SLC16A6: variants seen among roughly 807,000 people sequenced by gnomAD.
The protein encoded by SLC16A6 is monocarboxylate transporter 7.
Under a neutral mutation model 33.8 loss-of-function variants are expected in SLC16A6, and 15 were observed. That is an observed-to-expected ratio of 0.44 (90% confidence interval 0.30 to 0.68). SLC16A6 has a LOEUF of 0.68. Among genes scored for constraint, SLC16A6 ranks in the 30% least tolerant of loss-of-function variants. The pLI, the probability that SLC16A6 is intolerant of heterozygous loss-of-function variation, is 0.10. For missense variants in SLC16A6, 451 were observed against 661.5 expected, an observed-to-expected ratio of 0.68 and a Z score of 3.49; for synonymous variants, 219 against 248.4, an observed-to-expected ratio of 0.88 and a Z score of 1.11.
chr17:68,277,129 AATT>A lies in SLC16A6; in HGVS notation c.232+957_232+959del, dbSNP rs1295619601. Among the ~76,000 whole-genome samples, 3 of 151,672 alleles carry A rather than the reference AATT, an allele frequency of 2.0e-5. No homozygotes were observed. The South Asian group carries it at 6.2e-4, about 32-fold the overall frequency. ...TGAGATTGGGGCCTGGTATGTCAGCAATTATTATTATTATTATTTTGAGATGGA... is the reference window on the plus strand; with the variant it reads ...TGAGATTGGGGCCTGGTATGTCAGCAATTATTATTATTATTTTGAGATGGA... On this transcript the variant is annotated intron_variant, in intron 2 of 5. Coordinates refer to ENST00000580666, the MANE Select transcript of SLC16A6 (RefSeq NM_004694.5).
chr17:68,276,536 C>T (rs2075527339), intron 2 of SLC16A6, among the ~76,000 whole-genome samples: 1 of 152,046 alleles, frequency 6.6e-6, no homozygotes, highest in African/African-American at 2.4e-5. Flanking sequence ...GCAGCCTTGA[C>T]CTCCCAGGCT....
intron 1 of SLC16A6, among the ~76,000 whole-genome samples, chr17:68,286,733 G>A (rs782336814): frequency 6.6e-6 from 1 of 152,148 alleles, no homozygotes; most frequent in Non-Finnish European, 1.5e-5. Flanking sequence ...TCGAACTCCT[G>A]ACCTCAAGTG....
At chr17:68,272,359 C>T (rs2075370497) in intron 4 of SLC16A6, among the ~76,000 whole-genome samples, 1 of 152,122 alleles carries the variant, frequency 6.6e-6, no homozygotes, top group Admixed American at 6.5e-5. Flanking sequence ...TGAATAATTG[C>T]AAATTACTAG....
At chr17:68,272,348 G>A (rs1352311509) in intron 4 of SLC16A6, among the ~76,000 whole-genome samples, 1 of 152,180 alleles carries the variant, frequency 6.6e-6, no homozygotes, top group Non-Finnish European at 1.5e-5. Flanking sequence ...GACATAACAG[G>A]TGAATAATTG....
chr17:68,285,588 T>C (rs2075822968), intron 1 of SLC16A6: 1 of 152,252 alleles, frequency 6.6e-6, no homozygotes, highest in South Asian at 2.1e-4. Context: ...GAGAACTGCT[T>C]GAACCCAGGA....
intron 5 of SLC16A6, 61 bp from the exon 6 acceptor site, chr17:68,269,407 G>GC: frequency 1.7e-6 from 2 of 1,211,120 alleles, no homozygotes; most frequent in Non-Finnish European, 2.3e-6. Flanking sequence ...CCTCACCCAG[G>GC]CGACCATCCC....
intron 5 of SLC16A6, among the ~76,000 whole-genome samples, chr17:68,269,675 T>TTTTTTTTTTC (rs2075270318): frequency 7.1e-6 from 1 of 140,732 alleles, no homozygotes. Context: ...CACTTTAGGT[T>TTTTTTTTTTC]TTTTTTTTTT....
At chr17:68,285,953 G>T (rs2075831989) in intron 1 of SLC16A6, among the ~76,000 whole-genome samples, 1 of 152,044 alleles carries the variant, frequency 6.6e-6, no homozygotes, top group Admixed American at 6.6e-5. Flanking sequence ...TAGAGACAGG[G>T]TTTCACCATG....
intron 1 of SLC16A6, among the ~76,000 whole-genome samples, chr17:68,279,992 G>A (rs2075641006): frequency 6.6e-6 from 1 of 151,880 alleles, no homozygotes; most frequent in Non-Finnish European, 1.5e-5. Context: ...GACCAGCCTG[G>A]CCAACATGGC....
In SLC16A6 at chr17:68,267,123, C is replaced by A. The variant is rs15673; in HGVS notation, c.*1973G>T. On this transcript the variant is annotated 3_prime_UTR_variant, in exon 6 of 6. Transcript: ENST00000580666. ...TCAGCAATCTTGTTTGTATTTTCTT[C>A]CAAACATTTAAAACCTTGATTATTG... 6.6e-6 allele frequency: 1 copy of A among 152,100 alleles called. No individual in the cohort carries two copies. The highest frequency in any genetic ancestry group is 1.5e-5 in the Non-Finnish European group (1 of 68,022). The allele number at this position is 152,100 out of a possible 1,614,324, so 9.4% of individuals were successfully genotyped here.
intron 5 of SLC16A6, among the ~76,000 whole-genome samples, chr17:68,269,695 CAG>C (rs1240742100): frequency 4.1e-5 from 1 of 24,130 alleles, no homozygotes; most frequent in African/African-American, 6.0e-4. Context: ...TTTTTTTAGA[CAG>C]AGTTTTATTC....
intron 1 of SLC16A6, among the ~76,000 whole-genome samples, chr17:68,282,257 AAAAC>A (rs782085101): frequency 2.0e-5 from 3 of 152,150 alleles, no homozygotes; most frequent in Admixed American, 6.5e-5. Flanking sequence ...AAGGACAAAA[AAAAC>A]AAACACCACA....
At chr17:68,291,386 C>T (rs2075982473), upstream of SLC16A6, 1 of 148,776 alleles carries the variant, frequency 6.7e-6, no homozygotes, top group South Asian at 2.2e-4. Flanking sequence ...TAGCTCTTAT[C>T]CTATACCGGC....
chr17:68,288,838 C>G (rs1568421273), intron 1 of SLC16A6, among the ~76,000 whole-genome samples: 1 of 152,146 alleles, frequency 6.6e-6, no homozygotes, highest in Non-Finnish European at 1.5e-5. Flanking sequence ...CCACAGAATC[C>G]TGAACTTCTA....
intron 2 of SLC16A6, 129 bp downstream of exon 2, chr17:68,277,960 G>C (rs2075578061): frequency 3.1e-6 from 2 of 641,306 alleles, no homozygotes; most frequent in East Asian, 5.5e-5. Flanking sequence ...CTGTTAGTCA[G>C]GGCTAGGAAG....
rs1334811253 is a variant in SLC16A6, at chr17:68,269,060, C to T, written c.*36G>A. 3 of 1,585,628 alleles carry T rather than the reference C, an allele frequency of 1.9e-6. No homozygotes were observed. Among genetic ancestry groups the T allele is most frequent in the Non-Finnish European group, 2.6e-6 (3 of 1,166,144 alleles). On this transcript the variant is annotated 3_prime_UTR_variant, in exon 6 of 6. Transcript: ENST00000580666. ...CCGTTGGGCCCACCCCATCCCTCTC[C>T]AGCCAACACAGTGGCTGTTGTTGTA...
At chr17:68,284,701 A>G (rs1303619410) in intron 1 of SLC16A6, among the ~76,000 whole-genome samples, 2 of 152,218 alleles carry the variant, frequency 1.3e-5, no homozygotes, top group Non-Finnish European at 2.9e-5. Context: ...AGTATCATTC[A>G]TCCTACTGAT....
In SLC16A6 at chr17:68,281,573, C is replaced by CAAAT. The variant is rs549607371; in HGVS notation, c.-7-3250_-7-3247dup. On this transcript the variant is annotated intron_variant, in intron 1 of 5. Coordinates refer to ENST00000580666, the MANE Select transcript of SLC16A6 (RefSeq NM_004694.5). Reference sequence around the variant, plus strand: ...CTGGTGACACAGCGAGACTCTGTCTCAAATAAATAAATAAATAAATAAAAT... The same window carrying CAAAT: ...CTGGTGACACAGCGAGACTCTGTCTCAAATAAATAAATAAATAAATAAATAAAAT... Among the ~76,000 whole-genome samples the CAAAT allele has an allele frequency of 1.9e-3, 285 of 151,866 alleles. 3 individuals are homozygous for CAAAT. The East Asian group carries it at 0.039, about 21-fold the overall frequency.
At chr17:68,274,936 A>G (rs946957419) in intron 2 of SLC16A6, among the ~76,000 whole-genome samples, 3 of 152,054 alleles carry the variant, frequency 2.0e-5, no homozygotes, top group Non-Finnish European at 2.9e-5. Context: ...ATGTGCCACC[A>G]TGCCCGGCTG....
Sources: gnomAD v4.1 joint callset for allele counts (sites outside exome capture counted in the v4.1 genomes callset) on GRCh38, gnomAD v4.1.1 for gene constraint, MANE v1.5 for transcripts, NCBI Gene and HGNC (gene_info 2026-07-23, HGNC 2026-07-21) for gene names.